The following DYRK1A variants were observed in gnomAD, a reference collection of about 807,000 sequenced individuals.
DYRK1A encodes the protein dual specificity tyrosine phosphorylation regulated kinase 1A, also known as dual specificity tyrosine-phosphorylation-regulated kinase 1A.
Under a neutral mutation model 79.7 loss-of-function variants are expected in DYRK1A, and 9 were observed. That is an observed-to-expected ratio of 0.11 (90% CI 0.07 to 0.20). DYRK1A has a LOEUF of 0.20. Ranked by LOEUF, DYRK1A falls within the 10% of genes least tolerant of loss-of-function variation. The pLI is 1.00. For synonymous variants in DYRK1A, 349 were observed against 329.7 expected (o/e 1.06, Z -0.63); for missense variants, 622 against 956.0 (o/e 0.65, Z 4.61).
rs1445657938 is a variant in DYRK1A, at chr21:37,514,144, A to G, written c.*1613A>G. ...TGATTCTTGTATTCCTGATTAACCT[A>G]CTTGTAAACTTGAAAGCAAGACCTT... On this transcript the variant is annotated 3_prime_UTR_variant, in exon 12 of 12. Coordinates refer to ENST00000647188, the MANE Select transcript of DYRK1A (RefSeq NM_001347721.2). 1 of 152,646 alleles carries G rather than the reference A, an allele frequency of 6.6e-6. No individual in the cohort carries two copies. The highest frequency in any genetic ancestry group is 1.9e-4 in the East Asian group (1 of 5,200). The allele number at this position is 152,646 out of a possible 1,614,324, so 9.5% of individuals were successfully genotyped here.
At chr21:37,442,740 G>A (rs1039432113) in intron 2 of DYRK1A, among the ~76,000 whole-genome samples, 6 of 151,832 alleles carry the variant, frequency 4.0e-5, no homozygotes, top group East Asian at 3.9e-4. Flanking sequence ...TGCCTGAACT[G>A]TAGTTTTCAT....
intron 1 of DYRK1A, among the ~76,000 whole-genome samples, chr21:37,394,974 TC>T (rs1294668152): frequency 2.0e-5 from 3 of 152,236 alleles, no homozygotes; most frequent in Non-Finnish European, 2.9e-5. Flanking sequence ...CCTGTGGTTG[TC>T]CTTTGTACAG....
intron 1 of DYRK1A, among the ~76,000 whole-genome samples, chr21:37,413,380 C>G (rs189173063): frequency 2.4e-3 from 360 of 152,034 alleles, no homozygotes; most frequent in Non-Finnish European, 4.3e-3. Context: ...TGCACTCATG[C>G]AAATCAATTA....
chr21:37,440,130 C>CTTGTTTTTTTTTTTTTTTTTTTTT (rs2051050856), intron 2 of DYRK1A, among the ~76,000 whole-genome samples: 1 of 37,744 alleles, frequency 2.6e-5, no homozygotes, highest in Non-Finnish European at 5.2e-5. Context: ...TTGTTTGCTC[C>CTTGTTTTTTTTTTTTTTTTTTTTT]TTTTTTTTTT....
chr21:37,437,857 T>C (rs755193942), intron 2 of DYRK1A, among the ~76,000 whole-genome samples: 10 of 152,210 alleles, frequency 6.6e-5, no homozygotes, highest in Non-Finnish European at 1.3e-4. Context: ...TTATTTCTCT[T>C]TATTTCCTAA....
At chr21:37,476,736 ACTGT>A (rs944563436) in intron 3 of DYRK1A, among the ~76,000 whole-genome samples, 17 of 146,786 alleles carry the variant, frequency 1.2e-4, no homozygotes, top group Admixed American at 5.0e-4. Flanking sequence ...GAAAAGTAAG[ACTGT>A]CTATTTGAAA....
intron 1 of DYRK1A, among the ~76,000 whole-genome samples, chr21:37,379,817 TATTTAAAAAGC>T (rs1394297760): frequency 2.0e-5 from 3 of 152,230 alleles, no homozygotes; most frequent in Non-Finnish European, 4.4e-5. Flanking sequence ...GAAGACTGGT[TATTTAAAAAGC>T]ATTTATCTTG....
chr21:37,367,752 G>T (rs1044415047), intron 1 of DYRK1A, 124 bp downstream of exon 1: 20 of 150,486 alleles, frequency 1.3e-4, no homozygotes, highest in African/African-American at 4.9e-4. Context: ...AGGAGGAGGC[G>T]CCGCGGGCCC....
chr21:37,376,059 G>A (rs1483049215), intron 1 of DYRK1A, among the ~76,000 whole-genome samples: 30 of 152,072 alleles, frequency 2.0e-4, no homozygotes, highest in Non-Finnish European at 1.8e-4. Flanking sequence ...AGAAGAGAGA[G>A]TCTGAGTGCT....
intron 1 of DYRK1A, among the ~76,000 whole-genome samples, chr21:37,417,544 T>TCTTTTTCTTTTTCTTTTTCTTTTTC (rs1569304704): frequency 7.8e-6 from 1 of 127,504 alleles, no homozygotes; most frequent in Non-Finnish European, 1.7e-5. Context: ...TTTTTTTTTT[T>TCTTTTTCTTTTTCTTTTTCTTTTTC]TTTTTTTTTT....
At chr21:37,370,520 A>G (rs984825760) in intron 1 of DYRK1A, among the ~76,000 whole-genome samples, 1 of 152,200 alleles carries the variant, frequency 6.6e-6, no homozygotes, top group African/African-American at 2.4e-5. Flanking sequence ...GGCGTGTGCC[A>G]GTTTGTCTTT....
chr21:37,469,715 T>G (rs1292232874), intron 2 of DYRK1A, among the ~76,000 whole-genome samples: 3 of 152,090 alleles, frequency 2.0e-5, no homozygotes. Context: ...AGAACTCTTA[T>G]CACGAGGATA....
chr21:37,462,051 A>G (rs766178795), intron 2 of DYRK1A, among the ~76,000 whole-genome samples: 123 of 151,904 alleles, frequency 8.1e-4, no homozygotes, highest in Non-Finnish European at 1.5e-3. Flanking sequence ...CTATTTCTCT[A>G]TTAAGATTCA....
intron 11 of DYRK1A, among the ~76,000 whole-genome samples, chr21:37,511,314 G>C (rs1327174673): frequency 6.6e-6 from 1 of 152,188 alleles, no homozygotes; most frequent in Admixed American, 6.5e-5. Context: ...GTTAAGAAAA[G>C]ATTGTTCCTG....
At chr21:37,510,970 G>A (rs1383096947) in intron 11 of DYRK1A, among the ~76,000 whole-genome samples, 1 of 152,198 alleles carries the variant, frequency 6.6e-6, no homozygotes, top group African/African-American at 2.4e-5. Context: ...GCATCAGCCA[G>A]AGTGGTCAGG....
intron 1 of DYRK1A, among the ~76,000 whole-genome samples, chr21:37,399,960 G>C (rs909380113): frequency 2.0e-5 from 3 of 152,148 alleles, no homozygotes; most frequent in Admixed American, 6.6e-5. Flanking sequence ...ACAAATCACA[G>C]ATTTAGTGAC....
rs2053869904 is a variant in DYRK1A at position 37,515,490 on chromosome 21, T to A, written c.*2959T>A. ...CGACTGGATGTGAGGGTCTGATGGT[T>A]TTCTCTGATATGCTTTGACGTGCTT... is the stretch of plus-strand genomic sequence containing the variant. On this transcript the variant is annotated 3_prime_UTR_variant, in exon 12 of 12. Coordinates refer to ENST00000647188, the MANE Select transcript of DYRK1A (RefSeq NM_001347721.2). 6.6e-6 allele frequency: 1 copy of A among 152,186 alleles called. No individual in the cohort carries two copies. The highest frequency in any genetic ancestry group is 2.4e-5 in the African/African-American group (1 of 41,448). 9.4% of individuals were successfully genotyped at this position (152,186 alleles called of 1,614,324 possible).
chr21:37,502,952 T>C (rs1242122100), intron 9 of DYRK1A: 1 of 152,228 alleles, frequency 6.6e-6, no homozygotes, highest in East Asian at 1.9e-4. Context: ...ATTGACTTTT[T>C]TTCTGGATTA....
Position 37,521,126 on chromosome 21 carries a change from C to T in DYRK1A, c.*8595C>T, listed in dbSNP as rs1569414268. 1 of 152,210 alleles carries T rather than the reference C, an allele frequency of 6.6e-6. No individual in the cohort carries two copies. The highest frequency in any genetic ancestry group is 1.5e-5 in the Non-Finnish European group (1 of 68,036). The allele number at this position is 152,210 out of a possible 1,614,324, so 9.4% of individuals were successfully genotyped here. ...CTTGTCCAGGGAGGGCTCCCACGTGCGTATTCACTAATTGTGGTCTTTCTC... is the reference window on the plus strand; with the variant it reads ...CTTGTCCAGGGAGGGCTCCCACGTGTGTATTCACTAATTGTGGTCTTTCTC... On this transcript the variant is annotated 3_prime_UTR_variant, in exon 12 of 12. Coordinates refer to ENST00000647188, the MANE Select transcript of DYRK1A (RefSeq NM_001347721.2).
Sources: allele counts gnomAD v4.1 joint callset (sites outside exome capture counted in the v4.1 genomes callset), GRCh38; gene constraint gnomAD v4.1.1; transcripts MANE v1.5; gene names NCBI Gene and HGNC (gene_info 2026-07-23, HGNC 2026-07-21).